Variants in GPATCH8 observed in about 807,000 individuals in gnomAD.
GPATCH8 encodes the protein G patch domain-containing protein 8.
GPATCH8 carries 18 observed loss-of-function variants against 118.3 expected under a neutral mutation model. The ratio of observed to expected loss-of-function variants is 0.15; its 90% confidence interval spans 0.11 to 0.23. GPATCH8 has a LOEUF of 0.23. GPATCH8 is among the 10% of genes least tolerant of loss of function. The pLI is 1.00. For missense variants in GPATCH8, 1,631 were observed against 1,873.8 expected (o/e 0.87, Z 2.39); for synonymous variants, 659 against 684.7 (o/e 0.96, Z 0.59).
At chr17:44,414,131 A>ATATATATATGTG (rs2049578369) in intron 6 of GPATCH8, among the ~76,000 whole-genome samples, 4 of 26,614 alleles carry the variant, frequency 1.5e-4, no homozygotes, top group African/African-American at 5.7e-4. Context: ...ATATATGTGT[A>ATATATATATGTG]TATATATATA....
At chr17:44,494,640 G>A (rs542338252) in intron 1 of GPATCH8, among the ~76,000 whole-genome samples, 2 of 152,218 alleles carry the variant, frequency 1.3e-5, no homozygotes, top group South Asian at 2.1e-4. Flanking sequence ...ATCACTCCTC[G>A]TATACACCCT....
At chr17:44,500,843 A>C (rs1290130715) in intron 1 of GPATCH8, among the ~76,000 whole-genome samples, 1 of 152,190 alleles carries the variant, frequency 6.6e-6, no homozygotes, top group Non-Finnish European at 1.5e-5. Context: ...ATTTTGAATA[A>C]CCTGAAGCTG....
At chr17:44,473,115 G>C (rs1300320714) in intron 2 of GPATCH8, among the ~76,000 whole-genome samples, 1 of 150,714 alleles carries the variant, frequency 6.6e-6, no homozygotes, top group Non-Finnish European at 1.5e-5. Context: ...AAATAATTCA[G>C]AACAAGGCAC....
At chr17:44,492,718 T>C (rs1435199568) in intron 1 of GPATCH8, among the ~76,000 whole-genome samples, 4 of 152,180 alleles carry the variant, frequency 2.6e-5, no homozygotes, top group African/African-American at 9.6e-5. Context: ...CAGTAGCTGA[T>C]ACTACCCTCA....
rs1968953945 is a variant in GPATCH8, at chr17:44,488,281, T to C, written c.46-13378A>G. Among the ~76,000 whole-genome samples the C allele has an allele frequency of 3.4e-5, 5 of 146,536 alleles. No individual in the cohort carries two copies. In the Admixed American group the frequency reaches 3.5e-4, roughly 10 times the overall value. On this transcript the variant is annotated intron_variant, in intron 1 of 7. Transcript: ENST00000591680. ...TCACTCTGTCGCCCAGGCTGGAGTG[T>C]TGTGGCGCAATCTCAGCTCACTGCA...
At chr17:44,468,119 C>A (rs1284228283) in intron 2 of GPATCH8, among the ~76,000 whole-genome samples, 1 of 151,868 alleles carries the variant, frequency 6.6e-6, no homozygotes, top group Non-Finnish European at 1.5e-5. Context: ...AGACACGCAC[C>A]ACCACATCCA....
chr17:44,469,500 G>C (rs1157265532), intron 2 of GPATCH8, among the ~76,000 whole-genome samples: 1 of 152,130 alleles, frequency 6.6e-6, no homozygotes, highest in African/African-American at 2.4e-5. Flanking sequence ...TGTCTCAAGA[G>C]AAAACCATGC....
chr17:44,405,772 G>C (rs771199445), intron 7 of GPATCH8, 149 bp downstream of exon 7: 12 of 585,384 alleles, frequency 2.0e-5, no homozygotes, highest in Admixed American at 8.6e-5. Context: ...TCAAAGTGCT[G>C]GGATTATAGG....
chr17:44,490,566 T>C (rs1392176031), intron 1 of GPATCH8, among the ~76,000 whole-genome samples: 2 of 152,046 alleles, frequency 1.3e-5, no homozygotes, highest in Non-Finnish European at 2.9e-5. Context: ...GAATACTATA[T>C]GCTTTCAAAG....
chr17:44,469,845 C>T (rs968354533), intron 2 of GPATCH8, among the ~76,000 whole-genome samples: 2 of 152,230 alleles, frequency 1.3e-5, no homozygotes, highest in Non-Finnish European at 2.9e-5. Context: ...GTGCAGTCCA[C>T]ATATGGTCAC....
chr17:44,451,744 A>G (rs2051118508), intron 3 of GPATCH8, among the ~76,000 whole-genome samples: 2 of 152,220 alleles, frequency 1.3e-5, no homozygotes, highest in Admixed American at 6.5e-5. Context: ...CATGAAGAAT[A>G]TATATGACCA....
intron 2 of GPATCH8, among the ~76,000 whole-genome samples, chr17:44,470,529 C>G (rs940184912): frequency 2.0e-5 from 3 of 147,032 alleles, no homozygotes; most frequent in African/African-American, 7.6e-5. Flanking sequence ...CGGAGTCTCG[C>G]TCTGTCACCC....
chr17:44,475,393 A>C (rs1429918958), intron 1 of GPATCH8, among the ~76,000 whole-genome samples: 1 of 148,800 alleles, frequency 6.7e-6, no homozygotes, highest in Non-Finnish European at 1.5e-5. Context: ...AAAGAAAAAA[A>C]AAAAAAGAAA....
At chr17:44,455,583 ACT>A (rs1277713275) in intron 3 of GPATCH8, among the ~76,000 whole-genome samples, 1 of 151,996 alleles carries the variant, frequency 6.6e-6, no homozygotes, top group Non-Finnish European at 1.5e-5. Context: ...AAACATCCAG[ACT>A]CTAGATCAAT....
At chr17:44,500,375 T>C (rs1021142622) in intron 1 of GPATCH8, among the ~76,000 whole-genome samples, 1 of 152,222 alleles carries the variant, frequency 6.6e-6, no homozygotes, top group Non-Finnish European at 1.5e-5. Context: ...GCCTGTGGAA[T>C]AGGACCTGTT....
chr17:44,488,492 C>T (rs1968970841), intron 1 of GPATCH8, among the ~76,000 whole-genome samples: 1 of 151,868 alleles, frequency 6.6e-6, no homozygotes, highest in Admixed American at 6.6e-5. Context: ...CCTCAGCCTC[C>T]CAAGTAGCCT....
chr17:44,503,249 G>A (rs552849274), intron 1 of GPATCH8, 77 bp downstream of exon 1: 33 of 1,296,004 alleles, frequency 2.5e-5, no homozygotes, highest in Admixed American at 1.8e-4. Context: ...AAGGAAAGAG[G>A]GCTGGGAGCC....
At chr17:44,416,290 C>T (rs756813618) in intron 6 of GPATCH8, among the ~76,000 whole-genome samples, 7 of 151,102 alleles carry the variant, frequency 4.6e-5, no homozygotes, top group East Asian at 1.9e-4. Flanking sequence ...GGAATACAGG[C>T]GTGAGCCACC....
chr17:44,419,615 T>A (rs2049818513), intron 6 of GPATCH8, among the ~76,000 whole-genome samples: 1 of 152,080 alleles, frequency 6.6e-6, no homozygotes, highest in African/African-American at 2.4e-5. Flanking sequence ...GCCTCACAAG[T>A]AGCTCGGACT....
Sources: gnomAD v4.1 joint callset for allele counts (sites outside exome capture counted in the v4.1 genomes callset) on GRCh38, gnomAD v4.1.1 for gene constraint, MANE v1.5 for transcripts, NCBI Gene and HGNC (gene_info 2026-07-23, HGNC 2026-07-21) for gene names.